Variants in VPS13C observed in about 807,000 individuals in gnomAD.
VPS13C encodes intermembrane lipid transfer protein VPS13C.
A neutral mutation model predicts 456.8 loss-of-function variants in VPS13C; 358 were observed. The ratio of observed to expected loss-of-function variants is 0.78; its 90% CI spans 0.72 to 0.86. The LOEUF is 0.86. Ranked by LOEUF, VPS13C falls within the 40% of genes least tolerant of loss-of-function variation. The probability of loss-of-function intolerance (pLI) is 0.00; values close to 1 mark genes in which losing one functional copy is unlikely to be tolerated. For synonymous variants in VPS13C, 1,578 were observed against 1,486.7 expected (o/e 1.06, Z -1.41); for missense variants, 4,818 against 4,385.4 (o/e 1.10, Z -2.79).
rs2045995299 is a variant in VPS13C, at chr15:61,984,932, A to G, written c.1646T>C (p.Ile549Thr). The stretch of plus-strand genomic sequence containing the variant: ...TATCTGAATTTTTAGTATTTCTGGA[A>G]TATTCTTGTTTTCTCTTATCGTAAC... ...TSVTIRENKN[I>T]PEILKIQIIG... is the part of the protein sequence containing the mutation. The change falls in exon 19 of 85, where the codon ATT becomes ACT. Residue 549 changes from isoleucine to threonine, a missense_variant. Physicochemically the swap from Ile to Thr is moderately conservative, Grantham distance 89. Transcript: ENST00000644861. 2 of 1,612,310 alleles carry G rather than the reference A, an allele frequency of 1.2e-6. No individual in the cohort carries two copies. The highest frequency in any genetic ancestry group is 1.7e-6 in the Non-Finnish European group (2 of 1,179,410).
At chr15:61,896,457 G>A (rs2042816891) in intron 66 of VPS13C, among the ~76,000 whole-genome samples, 1 of 152,200 alleles carries the variant, frequency 6.6e-6, no homozygotes, top group Non-Finnish European at 1.5e-5. Context: ...AGGGGTCAGG[G>A]AGTTCCCTTT....
chr15:61,894,291 G>A (rs375428794), intron 66 of VPS13C, among the ~76,000 whole-genome samples: 1 of 151,182 alleles, frequency 6.6e-6, no homozygotes, highest in African/African-American at 2.4e-5. Flanking sequence ...CAGGGTGACA[G>A]AGCAAGACTC....
intron 47 of VPS13C, among the ~76,000 whole-genome samples, chr15:61,938,046 G>A (rs1483284425): frequency 6.6e-6 from 1 of 152,160 alleles, no homozygotes. Context: ...TACCACCAGA[G>A]AAATTGCCTA....
At chr15:61,902,084 G>A (rs1447934235) in intron 66 of VPS13C, among the ~76,000 whole-genome samples, 6 of 144,208 alleles carry the variant, frequency 4.2e-5, no homozygotes, top group African/African-American at 1.6e-4. Context: ...GACACAGGAA[G>A]GGGAACATCA....
chr15:62,028,036 T>TAA (rs2047695521), intron 6 of VPS13C, among the ~76,000 whole-genome samples: 1 of 152,210 alleles, frequency 6.6e-6, no homozygotes, highest in African/African-American at 2.4e-5. Context: ...ACTCTAGAAC[T>TAA]AAACTCAAAA....
At chr15:61,862,447 A>C (rs1894277521) in intron 82 of VPS13C, among the ~76,000 whole-genome samples, 1 of 152,182 alleles carries the variant, frequency 6.6e-6, no homozygotes, top group Admixed American at 6.5e-5. Flanking sequence ...AAAAAACCCC[A>C]AATTGATTCT....
At chr15:61,889,626 C>T (rs990166512) in intron 67 of VPS13C, among the ~76,000 whole-genome samples, 2 of 152,158 alleles carry the variant, frequency 1.3e-5, no homozygotes, top group African/African-American at 4.8e-5. Context: ...GAGAAAATAA[C>T]TGGTCCCATA....
rs748558270 is a variant in VPS13C, at chr15:61,946,386, T to G, written c.4901A>C (p.Lys1634Thr). 23 of 1,606,192 alleles carry G rather than the reference T, an allele frequency of 1.4e-5. No homozygotes were observed. In the South Asian group the frequency reaches 2.5e-4, roughly 17 times the overall value. The change falls in exon 44 of 85, where the codon AAG becomes ACG. Residue 1634 changes from lysine to threonine, a missense_variant. By Grantham distance (78) the Lys-to-Thr change is moderately conservative. Around this residue, in one of 3 missense-constraint regions of VPS13C, gnomAD observed 4,552 missense variants for 4,130.6 expected, o/e 1.10. Coordinates refer to ENST00000644861, the MANE Select transcript of VPS13C (RefSeq NM_020821.3). Reference protein sequence around the residue: ...IHGMDASISVKPKQTDVFARL... With the variant: ...IHGMDASISVTPKQTDVFARL... ...GGCAAACACATCAGTCTGCTTAGGC[T>G]TCACAGAAATAGAGGCATCCATTCC...
In VPS13C at chr15:61,864,811, G is replaced by A. The variant is rs578262720; in HGVS notation, c.10864-1283C>T. ...TTAGTTAAAATCTTTTAACACTTTTGCCTTAATTTCTTCAAAGAGAAAATG... is the reference window on the plus strand; with the variant it reads ...TTAGTTAAAATCTTTTAACACTTTTACCTTAATTTCTTCAAAGAGAAAATG... On this transcript the variant is annotated intron_variant, in intron 81 of 84. Coordinates refer to ENST00000644861, the MANE Select transcript of VPS13C (RefSeq NM_020821.3). The A allele has an allele frequency of 2.6e-5, 26 of 984,394 alleles. No individual in the cohort carries two copies. In the East Asian group the frequency reaches 2.6e-3, roughly 99 times the overall value. The allele number at this position is 984,394 out of a possible 1,614,324, so 61.0% of individuals were successfully genotyped here. A position where few individuals can be genotyped will look rare whatever the true frequency, so the allele number is the denominator to read the frequency against.
At chr15:61,915,527 G>A (rs1289137525) in intron 61 of VPS13C, 106 bp downstream of exon 61, 3 of 1,195,746 alleles carry the variant, frequency 2.5e-6, no homozygotes, top group Non-Finnish European at 3.4e-6. Context: ...TCACACCAAT[G>A]GCATTTAGCA....
chr15:62,016,085 T>C (rs943447561), intron 9 of VPS13C, among the ~76,000 whole-genome samples: 47 of 151,346 alleles, frequency 3.1e-4, no homozygotes, highest in Admixed American at 3.0e-3. Flanking sequence ...TACTTCTCTA[T>C]ATGCCCACAA....
intron 82 of VPS13C, among the ~76,000 whole-genome samples, chr15:61,857,205 T>C (rs899531887): frequency 6.6e-6 from 1 of 152,106 alleles, no homozygotes; most frequent in African/African-American, 2.4e-5. Flanking sequence ...GCTTGAGAGG[T>C]GCTCACTGGC....
At chr15:61,937,976 G>A (rs899419516) in intron 47 of VPS13C, among the ~76,000 whole-genome samples, 8 of 152,174 alleles carry the variant, frequency 5.3e-5, no homozygotes, top group South Asian at 2.1e-4. Context: ...ATGCAAGCAC[G>A]CATGCATAGC....
chr15:61,896,533 G>A (rs1262813107), intron 66 of VPS13C, among the ~76,000 whole-genome samples: 1 of 152,156 alleles, frequency 6.6e-6, no homozygotes. Context: ...TGAATACTGC[G>A]CTTTTCCGAC....
At chr15:61,939,064 C>T (rs2044326782) in intron 47 of VPS13C, among the ~76,000 whole-genome samples, 1 of 152,148 alleles carries the variant, frequency 6.6e-6, no homozygotes, top group African/African-American at 2.4e-5. Context: ...ATTTTATTCA[C>T]TTTATCTGCT....
intron 26 of VPS13C, among the ~76,000 whole-genome samples, 154 bp downstream of exon 26, chr15:61,973,300 G>C (rs1257100787): frequency 6.6e-6 from 1 of 152,074 alleles, no homozygotes; most frequent in Non-Finnish European, 1.5e-5. Flanking sequence ...AAGGGGATAA[G>C]AGACTCAGAG....
intron 5 of VPS13C, among the ~76,000 whole-genome samples, chr15:62,031,365 T>A (rs1339480085): frequency 6.6e-6 from 1 of 151,918 alleles, no homozygotes; most frequent in Non-Finnish European, 1.5e-5. Flanking sequence ...AGTAGAAAAA[T>A]AAAGTATAAT....
At chr15:61,904,132 G>C (rs1038342554) in intron 66 of VPS13C, among the ~76,000 whole-genome samples, 2 of 151,880 alleles carry the variant, frequency 1.3e-5, no homozygotes, top group African/African-American at 4.8e-5. Context: ...CAAACATATA[G>C]GATTACATTA....
At chr15:61,977,399 G>A (rs191143056) in intron 23 of VPS13C, among the ~76,000 whole-genome samples, 200 bp from the exon 24 acceptor site, 50 of 151,956 alleles carry the variant, frequency 3.3e-4, no homozygotes, top group Non-Finnish European at 5.3e-4. Flanking sequence ...TTTAAATACA[G>A]ACTGACAGGA....
Sources: gnomAD v4.1 joint callset for allele counts (sites outside exome capture counted in the v4.1 genomes callset) on GRCh38, gnomAD v4.1.1 for gene constraint, gnomAD v4.1.1 regional missense constraint, MANE v1.5 for transcripts, NCBI Gene and HGNC (gene_info 2026-07-23, HGNC 2026-07-21) for gene names.